Variants in ABCB4 observed in about 807,000 individuals in gnomAD.
The protein encoded by ABCB4 is phosphatidylcholine translocator ABCB4.
Under a neutral mutation model 145.7 loss-of-function variants are expected in ABCB4, and 76 were observed. The ratio of observed to expected loss-of-function variants is 0.52; its 90% CI spans 0.43 to 0.63. ABCB4 has a LOEUF of 0.63. Ranked by LOEUF, ABCB4 falls within the 30% of genes least tolerant of loss-of-function variation. The probability of loss-of-function intolerance (pLI) is 0.00; values close to 1 mark genes in which losing one functional copy is unlikely to be tolerated. For missense variants in ABCB4, 1,234 were observed against 1,553.1 expected, an observed-to-expected ratio of 0.79 and a Z score of 3.45; for synonymous variants, 517 against 566.8, an observed-to-expected ratio of 0.91 and a Z score of 1.25.
At chr7:87,452,862 T>G in intron 6 of ABCB4, 82 bp downstream of exon 6, 1 of 1,485,488 alleles carries the variant, frequency 6.7e-7, no homozygotes. Context: ...TAGTAACATT[T>G]TTCATTTAAA....
chr7:87,458,354 A>T (rs1317220599), intron 4 of ABCB4, among the ~76,000 whole-genome samples: 1 of 152,196 alleles, frequency 6.6e-6, no homozygotes, highest in Non-Finnish European at 1.5e-5. Context: ...GAGTGGCTTT[A>T]TTCTGTTGAC....
At chr7:87,451,269 G>C (rs1811708703) in intron 7 of ABCB4, among the ~76,000 whole-genome samples, 1 of 151,726 alleles carries the variant, frequency 6.6e-6, no homozygotes, top group Admixed American at 6.6e-5. Flanking sequence ...CAAGTAGCTG[G>C]GATTACAGTC....
At chr7:87,472,185 G>T (rs1813466632) in intron 3 of ABCB4, among the ~76,000 whole-genome samples, 1 of 152,072 alleles carries the variant, frequency 6.6e-6, no homozygotes, top group Non-Finnish European at 1.5e-5. Flanking sequence ...CACAGGTGCA[G>T]CAAGGACAAT....
At chr7:87,457,532 G>A (rs1472916615) in intron 4 of ABCB4, among the ~76,000 whole-genome samples, 1 of 152,232 alleles carries the variant, frequency 6.6e-6, no homozygotes, top group African/African-American at 2.4e-5. Flanking sequence ...GTTCATTTTA[G>A]AGAGTACCTA....
Position 87,440,437 on chromosome 7 carries a change from AC to A in ABCB4, c.1357-36del, listed in dbSNP as rs1490782811. 3.8e-6 allele frequency: 6 copies of A among 1,568,204 alleles called. 1 individual carries two copies. The highest frequency in any genetic ancestry group is 5.3e-6 in the Non-Finnish European group (6 of 1,140,756). On this transcript the variant is annotated intron_variant, in intron 12 of 27. Transcript: ENST00000649586. ...AGAAATATTTCCTATTAAGTATTTA[AC>A]CATTTAATAGCTGAAGTATCAGGAC...
intron 14 of ABCB4, among the ~76,000 whole-genome samples, chr7:87,432,348 C>A (rs553076001): frequency 6.6e-6 from 1 of 152,306 alleles, no homozygotes; most frequent in African/African-American, 2.4e-5. Flanking sequence ...ATCACTCCTA[C>A]TCTGAGACAA....
intron 4 of ABCB4, among the ~76,000 whole-genome samples, chr7:87,455,701 T>A (rs1812057685): frequency 6.6e-6 from 1 of 152,184 alleles, no homozygotes; most frequent in Non-Finnish European, 1.5e-5. Flanking sequence ...CACCACAGCA[T>A]TGTTGAGAAA....
At chr7:87,461,027 C>T (rs1319901441) in intron 4 of ABCB4, among the ~76,000 whole-genome samples, 2 of 151,954 alleles carry the variant, frequency 1.3e-5, no homozygotes, top group Non-Finnish European at 2.9e-5. Context: ...GCAATGGCAA[C>T]CTCCGCCCCC....
At chr7:87,440,597 C>G (rs1436169213) in intron 12 of ABCB4, among the ~76,000 whole-genome samples, 195 bp from the exon 13 acceptor site, 1 of 152,126 alleles carries the variant, frequency 6.6e-6, no homozygotes, top group Non-Finnish European at 1.5e-5. Context: ...TTCATATATA[C>G]AGTTTTTTCG....
At chr7:87,435,654 C>G (rs1312467879) in intron 14 of ABCB4, among the ~76,000 whole-genome samples, 1 of 152,214 alleles carries the variant, frequency 6.6e-6, no homozygotes, top group African/African-American at 2.4e-5. Context: ...TATTCCAGCC[C>G]AGGTGACCCT....
intron 26 of ABCB4, among the ~76,000 whole-genome samples, chr7:87,404,541 G>A (rs1808042309): frequency 6.6e-6 from 1 of 152,130 alleles, no homozygotes; most frequent in Non-Finnish European, 1.5e-5. Flanking sequence ...TAAAACTTTT[G>A]CTCTGCAAAG....
At chr7:87,471,429 T>C (rs1813392231) in intron 3 of ABCB4, among the ~76,000 whole-genome samples, 1 of 152,150 alleles carries the variant, frequency 6.6e-6, no homozygotes. Flanking sequence ...CCAGCTTTCA[T>C]TTGATAAACA....
chr7:87,460,484 T>C (rs1162354831), intron 4 of ABCB4, among the ~76,000 whole-genome samples: 1 of 152,096 alleles, frequency 6.6e-6, no homozygotes, highest in Non-Finnish European at 1.5e-5. Flanking sequence ...GTTCTCATCT[T>C]TATGTCAATG....
At chr7:87,377,471 T>C in the ABCB4 span, 8 of 1,416,904 alleles carry the variant, frequency 5.6e-6, no homozygotes, top group Non-Finnish European at 8.0e-6. Context: ...TACTGAAATT[T>C]TTCTCTTTTG....
intron 11 of ABCB4, 84 bp downstream of exon 11, chr7:87,443,579 A>T (rs1335800416): frequency 6.6e-7 from 1 of 1,521,938 alleles, no homozygotes; most frequent in East Asian, 2.3e-5. Flanking sequence ...GCACATAAGT[A>T]TCAAAATAAT....
At position 87,426,732 on chromosome 7, in the gene ABCB4, A is replaced by G; in HGVS notation, c.2064+18T>C. On this transcript the variant is annotated intron_variant, in intron 16 of 27. Coordinates refer to ENST00000649586, the MANE Select transcript of ABCB4 (RefSeq NM_000443.4). ...AACTACAAAGTAAAAGACTTAATTT[A>G]AGTGAAAAACAACTTACAAGTCCAT... The G allele has an allele frequency of 6.2e-7, 1 of 1,610,524 alleles. No individual in the cohort carries two copies. The highest frequency in any genetic ancestry group is 8.5e-7 in the Non-Finnish European group (1 of 1,176,878).
At chr7:87,400,143 G>C (rs1807718119), downstream of ABCB4, among the ~76,000 whole-genome samples, 2 of 152,156 alleles carry the variant, frequency 1.3e-5, no homozygotes, top group African/African-American at 2.4e-5. Flanking sequence ...CCTAGGCCCT[G>C]AAGTCACATG....
chr7:87,447,979 T>C (rs1171120353), intron 8 of ABCB4, among the ~76,000 whole-genome samples: 1 of 152,220 alleles, frequency 6.6e-6, no homozygotes, highest in Non-Finnish European at 1.5e-5. Context: ...AGTATCATTG[T>C]GTTCAACTTT....
Position 87,466,916 on chromosome 7 carries a change from G to A in ABCB4, c.136-4008C>T, listed in dbSNP as rs180973702. 4.1e-3 allele frequency among the ~76,000 whole-genome samples: 623 copies of A among 152,264 alleles called. 3 individuals are homozygous for A. The highest frequency in any genetic ancestry group is 0.014 in the African/African-American group (593 of 41,538). On this transcript the variant is annotated intron_variant, in intron 3 of 27. Coordinates refer to ENST00000649586, the MANE Select transcript of ABCB4 (RefSeq NM_000443.4). The stretch of plus-strand genomic sequence containing the variant: ...TGAAGGAAGCACTAAACGTGGAAAG[G>A]AACAGCCAGTACCAGTCACTGCAAA...
Sources: gnomAD v4.1 joint callset for allele counts (sites outside exome capture counted in the v4.1 genomes callset) on GRCh38, gnomAD v4.1.1 for gene constraint, MANE v1.5 for transcripts, NCBI Gene and HGNC (gene_info 2026-07-23, HGNC 2026-07-21) for gene names.